Variants in GALNT13 observed in about 807,000 individuals in gnomAD.
GALNT13 encodes the protein UDP-GalNAc:polypeptide N-acetylgalactosaminyltransferase 13.
Under a neutral mutation model 64.2 loss-of-function variants are expected in GALNT13, and 28 were observed. That is an observed-to-expected ratio of 0.44 (90% CI 0.32 to 0.60). The LOEUF is 0.60. GALNT13 is among the 20% of genes least tolerant of loss of function. GALNT13 has a pLI of 0.05. For synonymous variants in GALNT13, 214 were observed against 224.6 expected, an observed-to-expected ratio of 0.95 and a Z score of 0.42; for missense variants, 577 against 669.8, an observed-to-expected ratio of 0.86 and a Z score of 1.53.
chr2:154,286,287 G>A (rs1459008178), intron 8 of GALNT13, among the ~76,000 whole-genome samples: 1 of 152,170 alleles, frequency 6.6e-6, no homozygotes, highest in Non-Finnish European at 1.5e-5. Flanking sequence ...GCATTTCACT[G>A]TTGAGTCTGA....
chr2:153,797,623 C>G, the GALNT13 span, among the ~76,000 whole-genome samples: 5 of 152,302 alleles, frequency 3.3e-5, no homozygotes, highest in South Asian at 1.0e-3. Context: ...AATTACATTT[C>G]TTTTGGTAAC....
the GALNT13 span, among the ~76,000 whole-genome samples, chr2:153,707,871 C>T: frequency 6.6e-6 from 1 of 152,232 alleles, no homozygotes; most frequent in African/African-American, 2.4e-5. Context: ...GAGTGTAGTT[C>T]CAGAAGGCTT....
At chr2:154,416,656 G>A (rs543523281) in intron 11 of GALNT13, among the ~76,000 whole-genome samples, 1 of 152,240 alleles carries the variant, frequency 6.6e-6, no homozygotes, top group African/African-American at 2.4e-5. Context: ...CTTTTTGGGG[G>A]ATCATGAGTT....
intron 3 of GALNT13, among the ~76,000 whole-genome samples, chr2:154,106,818 G>A (rs898491375): frequency 6.6e-6 from 1 of 152,048 alleles, no homozygotes; most frequent in African/African-American, 2.4e-5. Context: ...AATGGGATAC[G>A]TAAGTCAAGC....
At chr2:154,409,348 G>T in intron 11 of GALNT13, 1 of 403,190 alleles carries the variant, frequency 2.5e-6, no homozygotes, top group Admixed American at 4.0e-5. Flanking sequence ...ATTTTATCAT[G>T]TATTAGCAAA....
chr2:153,623,908 G>A, the GALNT13 span, among the ~76,000 whole-genome samples: 155 of 152,066 alleles, frequency 1.0e-3, no homozygotes, highest in Non-Finnish European at 1.0e-4. Context: ...ACTCCATGGA[G>A]CCAATATACA....
chr2:154,198,050 A>G (rs2105772308), intron 4 of GALNT13, among the ~76,000 whole-genome samples: 1 of 152,258 alleles, frequency 6.6e-6, no homozygotes. Context: ...ATATTCCCAG[A>G]CATAACATTG....
the GALNT13 span, among the ~76,000 whole-genome samples, chr2:153,790,729 A>C: frequency 6.6e-6 from 1 of 152,232 alleles, no homozygotes; most frequent in Admixed American, 6.5e-5. Context: ...AAAGCTCCTT[A>C]AAATGATAAA....
the GALNT13 span, among the ~76,000 whole-genome samples, chr2:153,438,013 C>T: frequency 2.3e-4 from 35 of 152,326 alleles, no homozygotes; most frequent in Non-Finnish European, 4.3e-4. Context: ...TCTTTTAGGG[C>T]AGGCCTGGTG....
chr2:153,846,466 T>A, the GALNT13 span, among the ~76,000 whole-genome samples: 3 of 152,146 alleles, frequency 2.0e-5, no homozygotes, highest in African/African-American at 7.2e-5. Flanking sequence ...TAAATATTGT[T>A]GGTTCAATTA....
At chr2:153,679,911 G>T in the GALNT13 span, among the ~76,000 whole-genome samples, 21 of 151,438 alleles carry the variant, frequency 1.4e-4, no homozygotes, top group African/African-American at 4.1e-4. Context: ...AACTTTCCTT[G>T]GTACTATTTC....
At chr2:154,075,628 G>T (rs114602473) in intron 3 of GALNT13, among the ~76,000 whole-genome samples, 30 of 151,720 alleles carry the variant, frequency 2.0e-4, no homozygotes, top group Non-Finnish European at 3.7e-4. Flanking sequence ...GAATATATCC[G>T]TAATTCCTTC....
the GALNT13 span, among the ~76,000 whole-genome samples, chr2:153,191,352 G>A: frequency 3.3e-5 from 5 of 151,874 alleles, no homozygotes; most frequent in South Asian, 2.1e-4. Context: ...TCTATTATGC[G>A]CTGCATGGTG....
the GALNT13 span, among the ~76,000 whole-genome samples, chr2:153,564,241 A>G: frequency 6.6e-6 from 1 of 152,044 alleles, no homozygotes; most frequent in African/African-American, 2.4e-5. Context: ...AAAGCATTGA[A>G]GAGATTTTAA....
intron 3 of GALNT13, among the ~76,000 whole-genome samples, chr2:154,133,797 T>C (rs1327713480): frequency 2.0e-5 from 3 of 151,904 alleles, no homozygotes; most frequent in African/African-American, 7.3e-5. Context: ...GAAATAATTA[T>C]ATTAATAAAA....
intron 11 of GALNT13, among the ~76,000 whole-genome samples, chr2:154,421,940 C>T (rs1700273405): frequency 6.6e-6 from 1 of 151,960 alleles, no homozygotes; most frequent in Non-Finnish European, 1.5e-5. Context: ...TAATGCTCTA[C>T]AGGAGGCATT....
At chr2:153,228,074 C>G in the GALNT13 span, among the ~76,000 whole-genome samples, 1 of 152,050 alleles carries the variant, frequency 6.6e-6, no homozygotes, top group African/African-American at 2.4e-5. Flanking sequence ...AGTTAGAATA[C>G]TGAGCTTTAA....
the GALNT13 span, among the ~76,000 whole-genome samples, chr2:153,291,760 A>AC: frequency 6.6e-6 from 1 of 151,618 alleles, no homozygotes; most frequent in African/African-American, 2.4e-5. Flanking sequence ...AAAAAAAAAA[A>AC]ACCTCTTGTG....
At chr2:153,466,526 T>C in the GALNT13 span, among the ~76,000 whole-genome samples, 20 of 151,918 alleles carry the variant, frequency 1.3e-4, no homozygotes, top group Non-Finnish European at 2.5e-4. Context: ...CATTCTAAGA[T>C]TGTAATAATC....
Sources: allele counts gnomAD v4.1 joint callset (sites outside exome capture counted in the v4.1 genomes callset), GRCh38; gene constraint gnomAD v4.1.1; transcripts MANE v1.5; gene names NCBI Gene and HGNC (gene_info 2026-07-23, HGNC 2026-07-21).